The following SORCS1 variants were observed in gnomAD, a reference collection of about 807,000 sequenced individuals.
The protein encoded by SORCS1 is VPS10 domain-containing receptor SorCS1.
SORCS1 carries 60 observed loss-of-function variants against 146.1 expected under a neutral mutation model. That is an observed-to-expected ratio of 0.41 (90% confidence interval 0.33 to 0.51). The LOEUF is 0.51. SORCS1 is among the 20% of genes least tolerant of loss of function. The probability of loss-of-function intolerance (pLI) is 0.21; values close to 1 mark genes in which losing one functional copy is unlikely to be tolerated. For synonymous variants in SORCS1, 637 were observed against 584.0 expected, an observed-to-expected ratio of 1.09 and a Z score of -1.31; for missense variants, 1,352 against 1,487.6, an observed-to-expected ratio of 0.91 and a Z score of 1.50.
chr10:106,802,931 T>A (rs1056749597), intron 3 of SORCS1, among the ~76,000 whole-genome samples: 2 of 152,226 alleles, frequency 1.3e-5, no homozygotes, highest in Non-Finnish European at 2.9e-5. Context: ...ATGCCCGGCC[T>A]GACTTTACAG....
intron 24 of SORCS1, among the ~76,000 whole-genome samples, chr10:106,582,669 C>T (rs1026613231): frequency 9.2e-5 from 14 of 152,252 alleles, no homozygotes; most frequent in African/African-American, 2.2e-4. Context: ...ACAAGGTAGA[C>T]GTGTAGGGGA....
At chr10:107,094,452 G>T (rs1330395355) in intron 1 of SORCS1, among the ~76,000 whole-genome samples, 1 of 152,044 alleles carries the variant, frequency 6.6e-6, no homozygotes, top group East Asian at 1.9e-4. Context: ...TAAGCACTTT[G>T]TTCTCACTAC....
At chr10:106,732,243 T>G (rs1856651410) in intron 5 of SORCS1, among the ~76,000 whole-genome samples, 1 of 152,194 alleles carries the variant, frequency 6.6e-6, no homozygotes, top group Non-Finnish European at 1.5e-5. Flanking sequence ...GTCTCATAAT[T>G]TCCCTCATAT....
chr10:107,088,008 T>C (rs1246163817), intron 1 of SORCS1, among the ~76,000 whole-genome samples: 5 of 152,172 alleles, frequency 3.3e-5, no homozygotes, highest in East Asian at 1.9e-4. Context: ...AAGCTCCGCC[T>C]CCCGGGTTCA....
chr10:106,701,188 T>G (rs966027859), intron 8 of SORCS1, among the ~76,000 whole-genome samples: 2 of 152,238 alleles, frequency 1.3e-5, no homozygotes, highest in Non-Finnish European at 2.9e-5. Context: ...TTTGTATTTT[T>G]TTTAATATTT....
chr10:106,717,747 C>T (rs951749184), intron 6 of SORCS1, among the ~76,000 whole-genome samples: 3 of 152,156 alleles, frequency 2.0e-5, no homozygotes, highest in African/African-American at 7.2e-5. Flanking sequence ...TACCTTTGCA[C>T]CAATCTAATA....
intron 1 of SORCS1, among the ~76,000 whole-genome samples, chr10:106,967,279 T>C (rs1306124552): frequency 6.6e-6 from 1 of 152,220 alleles, no homozygotes; most frequent in African/African-American, 2.4e-5. Flanking sequence ...CCATATATAA[T>C]ACATAGCTGA....
Position 107,164,446 on chromosome 10 carries a change from G to C in SORCS1, c.81C>G (p.Cys27Trp). 7.1e-7 allele frequency: 1 copy of C among 1,405,838 alleles called. No homozygotes were observed. Among genetic ancestry groups the C allele is most frequent in the Non-Finnish European group, 9.2e-7 (1 of 1,086,656 alleles). The allele number at this position is 1,405,838 out of a possible 1,614,324, so 87.1% of individuals were successfully genotyped here. The change falls in exon 1 of 26, where the codon TGC (cysteine) becomes TGG (tryptophan). Residue 27 changes from cysteine (C) to tryptophan (W), a missense_variant. By Grantham distance (215) the Cys-to-Trp change is radical (BLOSUM62 -2). Around this residue, in one of 3 missense-constraint regions of SORCS1, gnomAD observed 490 missense variants for 489.1 expected, o/e 1.00. Coordinates refer to ENST00000263054, the MANE Select transcript of SORCS1 (RefSeq NM_052918.5). This position sits in a 1 kb window ranked among gnomAD's most constrained non-coding sequence, Gnocchi z 6.8. Reference sequence around the variant, plus strand: ...AGCCGCCGCCGCAGACGCCCGGGGCGCAGAGGATCAAGAGCCCCGCGCCGG... The same window carrying C: ...AGCCGCCGCCGCAGACGCCCGGGGCCCAGAGGATCAAGAGCCCCGCGCCGG... ...LLAGAGLLILCAPGVCGGGSC... is the reference protein window; with the variant it reads ...LLAGAGLLILWAPGVCGGGSC...
At chr10:107,024,226 G>A (rs1958292052) in intron 1 of SORCS1, among the ~76,000 whole-genome samples, 1 of 151,254 alleles carries the variant, frequency 6.6e-6, no homozygotes, top group South Asian at 2.1e-4. Flanking sequence ...CCCTGGTTCT[G>A]AAGGGTGTGC....
intron 1 of SORCS1, among the ~76,000 whole-genome samples, chr10:107,001,871 G>T (rs988400580): frequency 6.6e-6 from 1 of 152,162 alleles, no homozygotes; most frequent in Non-Finnish European, 1.5e-5. Context: ...GCTCTAAAAG[G>T]ATTCACACCA....
rs1281381026 is a variant in SORCS1, at chr10:106,618,196, G to A, written c.2873C>T (p.Ser958Leu). 4 of 1,613,966 alleles carry A rather than the reference G, an allele frequency of 2.5e-6. No homozygotes were observed. Among genetic ancestry groups the A allele is most frequent in the Admixed American group, 3.3e-5 (2 of 59,994 alleles). The change falls in exon 21 of 26, where the codon TCA becomes TTA. Residue 958 changes from serine to leucine, a missense_variant. By Grantham distance (145) the Ser-to-Leu change is moderately radical (BLOSUM62 -2). Around this residue, in one of 3 missense-constraint regions of SORCS1, gnomAD observed 648 missense variants for 793.8 expected, o/e 0.82. Transcript: ENST00000263054. ...GTCTTGTAGGATGGCATTCCCAGCT[G>A]AGACCTGCACTGTGATGGTATTCAT... ...EGMNTITVQVSAGNAILQDTK... is the reference protein window; with the variant it reads ...EGMNTITVQVLAGNAILQDTK...
intron 2 of SORCS1, among the ~76,000 whole-genome samples, chr10:106,952,325 G>A (rs1037182772): frequency 6.6e-6 from 1 of 152,074 alleles, no homozygotes; most frequent in Non-Finnish European, 1.5e-5. Flanking sequence ...GCAGGAGAAA[G>A]TCAGTTTGTG....
Position 106,672,850 on chromosome 10 carries a change from C to A in SORCS1, c.2058+18G>T. 6.2e-7 allele frequency: 1 copy of A among 1,604,428 alleles called. No individual in the cohort carries two copies. Among genetic ancestry groups the A allele is most frequent in the Non-Finnish European group, 8.5e-7 (1 of 1,171,268 alleles). On this transcript the variant is annotated intron_variant, in intron 15 of 25. Transcript: ENST00000263054. ...ATGCTTCCTGCCCAGGCCTTAGTCTCAGTTCTTTTCCTCCTACCTGGCTGT... is the reference window on the plus strand; with the variant it reads ...ATGCTTCCTGCCCAGGCCTTAGTCTAAGTTCTTTTCCTCCTACCTGGCTGT...
chr10:106,898,642 G>A (rs1951581297), intron 2 of SORCS1, among the ~76,000 whole-genome samples: 1 of 152,214 alleles, frequency 6.6e-6, no homozygotes, highest in Admixed American at 6.5e-5. Flanking sequence ...TGTAGGTGGT[G>A]TGGCTGACAG....
At chr10:106,905,304 T>C (rs1489411228) in intron 2 of SORCS1, among the ~76,000 whole-genome samples, 1 of 152,186 alleles carries the variant, frequency 6.6e-6, no homozygotes, top group Non-Finnish European at 1.5e-5. Context: ...AAGGAAAAGA[T>C]AAATGCACAA....
intron 2 of SORCS1, among the ~76,000 whole-genome samples, chr10:106,936,157 C>T (rs763770878): frequency 6.6e-6 from 1 of 152,186 alleles, no homozygotes; most frequent in Non-Finnish European, 1.5e-5. Context: ...TAATTTTTGA[C>T]TTGGCCTCAA....
chr10:106,679,398 C>A, intron 11 of SORCS1, 66 bp from the exon 12 acceptor site: 1 of 1,309,204 alleles, frequency 7.6e-7, no homozygotes, highest in Non-Finnish European at 1.1e-6. Flanking sequence ...ACTATATTGG[C>A]AGGTGCACTG....
chr10:106,663,355 T>C (rs962702969), intron 17 of SORCS1, among the ~76,000 whole-genome samples: 3 of 152,296 alleles, frequency 2.0e-5, no homozygotes, highest in East Asian at 1.9e-4. Context: ...GACAAGTATT[T>C]ACTAGCAAAT....
At chr10:106,796,087 C>T (rs947059572) in intron 3 of SORCS1, among the ~76,000 whole-genome samples, 2 of 152,200 alleles carry the variant, frequency 1.3e-5, no homozygotes, top group Non-Finnish European at 2.9e-5. Context: ...AATGCCATTT[C>T]TCACCATTAA....
Sources: allele counts gnomAD v4.1 joint callset (sites outside exome capture counted in the v4.1 genomes callset), GRCh38; gene constraint gnomAD v4.1.1; regional missense constraint gnomAD v4.1.1; non-coding constraint Gnocchi (gnomAD v3.1); transcripts MANE v1.5; gene names NCBI Gene and HGNC (gene_info 2026-07-23, HGNC 2026-07-21).